The following TET2 variants were observed in gnomAD, a reference collection of about 807,000 sequenced individuals.
TET2 encodes the protein tet methylcytosine dioxygenase 2, also known as methylcytosine dioxygenase TET2.
A neutral mutation model predicts 142.9 loss-of-function variants in TET2; 299 were observed. That is an observed-to-expected ratio of 2.09 (90% confidence interval 1.90 to 2.30). The LOEUF (loss-of-function observed/expected upper bound fraction) is 2.30. Ranked by LOEUF, TET2 falls within the 30% of genes most tolerant of loss-of-function variation. The pLI is 0.00. For synonymous variants in TET2, 819 were observed against 849.0 expected, an observed-to-expected ratio of 0.96 and a Z score of 0.61; for missense variants, 2,418 against 2,378.0, an observed-to-expected ratio of 1.02 and a Z score of -0.35.
intron 1 of TET2, among the ~76,000 whole-genome samples, chr4:105,175,302 T>C (rs558156996): frequency 6.6e-5 from 10 of 152,084 alleles, no homozygotes; most frequent in Middle Eastern, 6.8e-3. Flanking sequence ...TAAAAAACTA[T>C]GGTTAATATG....
rs555047528 is a variant in TET2, at chr4:105,180,787, G to T, written c.-192-9573G>T. Among the ~76,000 whole-genome samples the T allele has an allele frequency of 1.3e-3, 202 of 152,150 alleles. 3 individuals carry two copies. The highest frequency in any genetic ancestry group is 7.4e-3 in the Admixed American group (113 of 15,270). ...GCCGGGTAGCTAGAATTACAGGCAT[G>T]TGCCACCACACCTGGCTAATTCTGT... On this transcript the variant is annotated intron_variant, in intron 1 of 10. Transcript: ENST00000380013.
At chr4:105,242,775 T>C in intron 4 of TET2, 59 bp from the exon 5 acceptor site, 3 of 1,526,402 alleles carry the variant, frequency 2.0e-6, no homozygotes, top group African/African-American at 2.8e-5. Flanking sequence ...AATATTTTGA[T>C]TGCCTCTTGA....
intron 2 of TET2, among the ~76,000 whole-genome samples, chr4:105,208,350 T>G (rs543174758): frequency 1.3e-5 from 2 of 152,120 alleles, no homozygotes; most frequent in Non-Finnish European, 2.9e-5. Flanking sequence ...GTAGCAAACA[T>G]TCATTTGTAA....
chr4:105,234,095 C>G lies in TET2; in HGVS notation c.153C>G (p.Asp51Glu), dbSNP rs768741227. ...PERAHPEVNG[D>E]TKWHSFKSYY... ...GAGCTCATCCAGAAGTAAATGGAGACACCAAGTGGCACTCTTTCAAAAGTT... is the reference window on the plus strand; with the variant it reads ...GAGCTCATCCAGAAGTAAATGGAGAGACCAAGTGGCACTCTTTCAAAAGTT... The change falls in exon 3 of 11, where the codon GAC becomes GAG. Residue 51 changes from aspartate to glutamate, a missense_variant. By Grantham distance (45) the Asp-to-Glu change is conservative. Transcript: ENST00000380013. 1 of 1,614,036 alleles carries G rather than the reference C, an allele frequency of 6.2e-7. No individual in the cohort carries two copies. Among genetic ancestry groups the G allele is most frequent in the East Asian group, 2.2e-5 (1 of 44,848 alleles).
chr4:105,240,733 A>G lies in TET2; in HGVS notation c.3410-606A>G, dbSNP rs369091183. On this transcript the variant is annotated intron_variant, in intron 3 of 10. Coordinates refer to ENST00000380013, the MANE Select transcript of TET2 (RefSeq NM_001127208.3). ...ACTTTTCCATCTTTGTTGGTTTGCA[A>G]CAGCCCCTTCTTTTTGCCTGACTCT... The G allele has an allele frequency of 8.6e-5, 93 of 1,080,314 alleles. No homozygotes were observed. In the African/African-American group the frequency reaches 1.2e-3, roughly 14 times the overall value. The allele number at this position is 1,080,314 out of a possible 1,614,324, so 66.9% of individuals were successfully genotyped here. A position where few individuals can be genotyped will look rare whatever the true frequency, so the allele number is the denominator to read the frequency against.
At chr4:105,216,394 A>G (rs1727494733) in intron 2 of TET2, among the ~76,000 whole-genome samples, 1 of 151,962 alleles carries the variant, frequency 6.6e-6, no homozygotes, top group Admixed American at 6.6e-5. Flanking sequence ...GTTAATCTGA[A>G]ATGCTCTTTT....
At chr4:105,222,589 G>A (rs1484239506) in intron 2 of TET2, among the ~76,000 whole-genome samples, 1 of 152,054 alleles carries the variant, frequency 6.6e-6, no homozygotes, top group Non-Finnish European at 1.5e-5. Context: ...AAATTTGTTT[G>A]AGTTCTTTGT....
intron 2 of TET2, among the ~76,000 whole-genome samples, chr4:105,229,499 C>T (rs752860299): frequency 1.3e-5 from 2 of 151,830 alleles, no homozygotes; most frequent in South Asian, 2.1e-4. Flanking sequence ...TTAGTAGTGG[C>T]GGTGTTTGAC....
intron 1 of TET2, chr4:105,147,845 G>A (rs1354832706): frequency 1.3e-5 from 1 of 79,768 alleles, no homozygotes; most frequent in Non-Finnish European, 2.4e-5. Flanking sequence ...CCGGGGAGGG[G>A]GCGGGAGGGG....
At chr4:105,263,289 T>G (rs532673780) in intron 8 of TET2, among the ~76,000 whole-genome samples, 3 of 152,324 alleles carry the variant, frequency 2.0e-5, no homozygotes, top group African/African-American at 7.2e-5. Context: ...TAAAGTGATG[T>G]AATTCGTATT....
chr4:105,236,932 CACCAGAAAACAAAACAT>C lies in TET2; in HGVS notation c.2991_3007del (p.Pro998GlufsTer5). 1 of 1,614,102 alleles carries C rather than the reference CACCAGAAAACAAAACAT, an allele frequency of 6.2e-7. No homozygotes were observed. The highest frequency in any genetic ancestry group is 8.5e-7 in the Non-Finnish European group (1 of 1,180,008). ...CCACATGCCTGTATGCACACAGCAC[CACCAGAAAACAAAACAT>C]GGAAAAAGGTAACTAAGCAAGAGAA... On this transcript the variant is annotated frameshift_variant, in exon 3 of 11. Transcript: ENST00000380013. LOFTEE classifies it high-confidence loss of function.
At chr4:105,238,215 T>C (rs559337401) in intron 3 of TET2, 1 of 235,790 alleles carries the variant, frequency 4.2e-6, no homozygotes, top group African/African-American at 2.2e-5. Flanking sequence ...TGCTAATCTT[T>C]TTGCTGGTGG....
chr4:105,242,634 A>C, intron 4 of TET2, 200 bp from the exon 5 acceptor site: 1 of 1,338,362 alleles, frequency 7.5e-7, no homozygotes, highest in Non-Finnish European at 9.6e-7. Context: ...TTATCTGTAC[A>C]TTTTGATATT....
chr4:105,233,965 A>C lies in TET2; in HGVS notation c.23A>C (p.His8Pro). 6.2e-7 allele frequency: 1 copy of C among 1,614,014 alleles called. No individual in the cohort carries two copies. The highest frequency in any genetic ancestry group is 8.5e-7 in the Non-Finnish European group (1 of 1,179,970). Residue 8 changes from histidine to proline, a missense_variant, in exon 3 of 11, where the codon CAT becomes CCT. His to Pro is a moderately conservative substitution (Grantham distance 77, BLOSUM62 -2). Transcript: ENST00000380013. ...CTGATGGAACAGGATAGAACCAACCATGTTGAGGGCAACAGACTAAGTCCA... is the reference window on the plus strand; with the variant it reads ...CTGATGGAACAGGATAGAACCAACCCTGTTGAGGGCAACAGACTAAGTCCA... MEQDRTNHVEGNRLSPFL... is the reference protein window; with the variant it reads MEQDRTNPVEGNRLSPFL...
intron 1 of TET2, among the ~76,000 whole-genome samples, chr4:105,181,649 T>C (rs1725128928): frequency 6.6e-6 from 1 of 152,268 alleles, no homozygotes; most frequent in Non-Finnish European, 1.5e-5. Context: ...TTTTTACTTA[T>C]GCTATTTCTT....
intron 1 of TET2, among the ~76,000 whole-genome samples, chr4:105,157,328 A>G (rs946383122): frequency 2.0e-5 from 3 of 152,176 alleles, no homozygotes; most frequent in African/African-American, 7.2e-5. Flanking sequence ...TATTTATTTT[A>G]GTAAATAATT....
intron 1 of TET2, chr4:105,172,417 A>G (rs1325071483): frequency 2.0e-5 from 3 of 152,228 alleles, no homozygotes; most frequent in East Asian, 1.9e-4. Context: ...TATATTTACT[A>G]TTTATTAAAT....
intron 1 of TET2, among the ~76,000 whole-genome samples, chr4:105,177,174 C>A (rs535435933): frequency 2.2e-4 from 34 of 152,256 alleles, no homozygotes; most frequent in African/African-American, 8.2e-4. Flanking sequence ...CTATAAAACT[C>A]CCAGAAGATA....
At chr4:105,191,365 A>G (rs1439856725) in intron 2 of TET2, among the ~76,000 whole-genome samples, 1 of 152,214 alleles carries the variant, frequency 6.6e-6, no homozygotes, top group Non-Finnish European at 1.5e-5. Context: ...GTAGGGAACT[A>G]ATATATTTTT....
Sources: allele counts gnomAD v4.1 joint callset (sites outside exome capture counted in the v4.1 genomes callset), GRCh38; gene constraint gnomAD v4.1.1; transcripts MANE v1.5; gene names NCBI Gene and HGNC (gene_info 2026-07-23, HGNC 2026-07-21).